Variants in PDZD9 observed in about 807,000 individuals in gnomAD.
PDZD9 encodes the protein PDZ domain-containing protein 9.
PDZD9 carries 13 observed loss-of-function variants against 16.3 expected under a neutral mutation model. The ratio of observed to expected loss-of-function variants is 0.80; its 90% CI spans 0.52 to 1.27. The LOEUF (loss-of-function observed/expected upper bound fraction) is 1.27. PDZD9 is among the 50% of genes most tolerant of loss of function. The pLI, the probability that PDZD9 is intolerant of heterozygous loss-of-function variation, is 0.00. For synonymous variants in PDZD9, 120 were observed against 111.0 expected (o/e 1.08, Z -0.51); for missense variants, 288 against 310.9 (o/e 0.93, Z 0.55).
chr16:22,000,595 CG>C (rs1161945273), intron 1 of PDZD9, among the ~76,000 whole-genome samples: 1 of 151,906 alleles, frequency 6.6e-6, no homozygotes, highest in Admixed American at 6.6e-5. Flanking sequence ...ATGGCCAAGG[CG>C]GGCGGATCAC....
rs1173731235 is a variant in PDZD9 at position 21,988,669 on chromosome 16, TA to T, written c.333del (p.Phe111LeufsTer14). ...TCTTGCCATTCTTCAGGAATGTTAA[TA>T]AAATCTCGGTAAACCTTGATTTGTA... ...TVLQIKVYRD[F>X]INIPEEWQEI... is the part of the protein sequence containing the mutation. On this transcript the variant is annotated frameshift_variant, in exon 3 of 4. Coordinates refer to ENST00000424898, the MANE Select transcript of PDZD9 (RefSeq NM_001363519.1). LOFTEE classifies it high-confidence loss of function. 1.2e-6 allele frequency: 2 copies of T among 1,613,470 alleles called. No individual in the cohort carries two copies. Among genetic ancestry groups the T allele is most frequent in the Admixed American group, 3.3e-5 (2 of 59,864 alleles).
At chr16:21,985,861 G>T (rs1283446852) in intron 3 of PDZD9, among the ~76,000 whole-genome samples, 1 of 152,110 alleles carries the variant, frequency 6.6e-6, no homozygotes. Context: ...TTTACTGAGA[G>T]CCACTAGTCT....
At chr16:21,971,981 T>G in the PDZD9 span, 2 of 1,614,174 alleles carry the variant, frequency 1.2e-6, no homozygotes, top group Non-Finnish European at 1.7e-6. Context: ...TAGCAGAAAG[T>G]GCTGTCGCGG....
intron 1 of PDZD9, among the ~76,000 whole-genome samples, chr16:22,000,430 C>G (rs913972907): frequency 1.3e-5 from 2 of 150,716 alleles, no homozygotes; most frequent in Admixed American, 6.6e-5. Flanking sequence ...TTGGCTGCAA[C>G]TGGGCATTGC....
chr16:21,996,549 C>A, intron 1 of PDZD9, 48 bp from the exon 2 acceptor site: 1 of 1,475,774 alleles, frequency 6.8e-7, no homozygotes, highest in East Asian at 2.5e-5. Flanking sequence ...AAGACAGAAG[C>A]ATGGCCATAC....
At chr16:21,974,215 T>C in the PDZD9 span, among the ~76,000 whole-genome samples, 1 of 152,160 alleles carries the variant, frequency 6.6e-6, no homozygotes, top group African/African-American at 2.4e-5. Flanking sequence ...GTTGGACAAG[T>C]TGCATTGAGT....
intron 1 of PDZD9, 138 bp downstream of exon 1, chr16:22,000,879 G>GATA: frequency 1.5e-6 from 1 of 671,224 alleles, no homozygotes; most frequent in East Asian, 3.0e-5. Context: ...TGATGATAAT[G>GATA]ATGATGATGA....
downstream of PDZD9, among the ~76,000 whole-genome samples, chr16:21,981,696 G>A (rs1373954226): frequency 6.6e-6 from 1 of 151,906 alleles, no homozygotes; most frequent in Non-Finnish European, 1.5e-5. Flanking sequence ...CTGGGAGGCA[G>A]AGGTTGCAGC....
chr16:21,964,056 A>C, the PDZD9 span, among the ~76,000 whole-genome samples: 2 of 152,168 alleles, frequency 1.3e-5, no homozygotes, highest in Non-Finnish European at 1.5e-5. Context: ...GTGGGAGCAG[A>C]AATGTGCAGG....
At chr16:22,000,147 T>A (rs1235140845) in intron 1 of PDZD9, among the ~76,000 whole-genome samples, 1 of 152,122 alleles carries the variant, frequency 6.6e-6, no homozygotes, top group Non-Finnish European at 1.5e-5. Flanking sequence ...GAGGCTGCAG[T>A]GAGCCAGGAG....
downstream of PDZD9, among the ~76,000 whole-genome samples, chr16:21,981,213 A>AT (rs940077117): frequency 4.0e-5 from 6 of 151,240 alleles, no homozygotes; most frequent in South Asian, 2.1e-4. Context: ...GTTCTTGCTA[A>AT]TTTTTTTTTC....
the PDZD9 span, among the ~76,000 whole-genome samples, chr16:21,963,677 C>T: frequency 1.3e-5 from 2 of 151,786 alleles, no homozygotes; most frequent in African/African-American, 4.8e-5. Flanking sequence ...CTCTATTGCC[C>T]AGGCTGGTCT....
intron 1 of PDZD9, chr16:21,999,564 C>T (rs1202142906): frequency 1.3e-5 from 2 of 152,352 alleles, no homozygotes; most frequent in African/African-American, 4.8e-5. Context: ...TGGCACCTGC[C>T]TGCCTAGTTC....
chr16:21,968,443 CT>C, the PDZD9 span: 1 of 452,600 alleles, frequency 2.2e-6, no homozygotes, highest in Non-Finnish European at 3.9e-6. Flanking sequence ...GGTTCTAGTT[CT>C]TTTAAGCAAT....
the PDZD9 span, chr16:21,976,381 T>C: frequency 2.9e-6 from 2 of 699,072 alleles, no homozygotes; most frequent in Non-Finnish European, 4.7e-6. Flanking sequence ...CATACCCATA[T>C]CCTACCACCT....
intron 2 of PDZD9, among the ~76,000 whole-genome samples, chr16:21,993,123 A>T (rs944916726): frequency 6.6e-6 from 1 of 152,186 alleles, no homozygotes; most frequent in Non-Finnish European, 1.5e-5. Context: ...TTTATAAATT[A>T]TCCAGTCTCA....
downstream of PDZD9, chr16:21,982,963 CAA>C (rs1036084484): frequency 0.076 from 38,382 of 507,964 alleles, no homozygotes; most frequent in East Asian, 0.095. Context: ...GACTCCACCT[CAA>C]AAAAAAAAAA....
At chr16:21,980,731 A>G, downstream of PDZD9, 1 of 1,610,992 alleles carries the variant, frequency 6.2e-7, no homozygotes, top group Non-Finnish European at 8.5e-7. Flanking sequence ...CGATTTAACA[A>G]CAGAGAACTT....
At chr16:21,995,683 C>T (rs1425900856) in intron 2 of PDZD9, among the ~76,000 whole-genome samples, 6 of 152,232 alleles carry the variant, frequency 3.9e-5, no homozygotes, top group Non-Finnish European at 2.9e-5. Context: ...CTGCAACCTC[C>T]GCCTCCCGGG....
Sources: gnomAD v4.1 joint callset for allele counts (sites outside exome capture counted in the v4.1 genomes callset) on GRCh38, gnomAD v4.1.1 for gene constraint, MANE v1.5 for transcripts, NCBI Gene and HGNC (gene_info 2026-07-23, HGNC 2026-07-21) for gene names.